The following STPG2 variants were observed in gnomAD, a reference collection of about 807,000 sequenced individuals.
The protein encoded by STPG2 is sperm-tail PG-rich repeat-containing protein 2.
In STPG2, 56 loss-of-function variants were observed where a neutral mutation model predicts 54.2. The ratio of observed to expected loss-of-function variants is 1.03; its 90% CI spans 0.83 to 1.29. The LOEUF (loss-of-function observed/expected upper bound fraction) is 1.29. Ranked by LOEUF, STPG2 falls within the 50% of genes most tolerant of loss-of-function variation. The pLI, the probability that STPG2 is intolerant of heterozygous loss-of-function variation, is 0.00. For synonymous variants in STPG2, 200 were observed against 181.8 expected (o/e 1.10, Z -0.81); for missense variants, 596 against 544.9 (o/e 1.09, Z -0.93).
At chr4:97,630,365 C>G (rs986128877) in intron 10 of STPG2, among the ~76,000 whole-genome samples, 1 of 151,688 alleles carries the variant, frequency 6.6e-6, no homozygotes, top group African/African-American at 2.4e-5. Context: ...CTTCCAACTT[C>G]CATTATATTA....
intron 8 of STPG2, among the ~76,000 whole-genome samples, chr4:97,923,364 G>A (rs1732195763): frequency 7.2e-6 from 1 of 139,224 alleles, no homozygotes; most frequent in Non-Finnish European, 1.5e-5. Flanking sequence ...CCCTGCTCCA[G>A]GGCGCCCCGT....
At chr4:97,669,986 G>T (rs1722648081) in intron 10 of STPG2, among the ~76,000 whole-genome samples, 1 of 151,838 alleles carries the variant, frequency 6.6e-6, no homozygotes, top group Non-Finnish European at 1.5e-5. Context: ...ATAGATAATT[G>T]CTCTGAAAAG....
At chr4:97,459,179 A>T (rs1462714227) in intron 4 of STPG2, among the ~76,000 whole-genome samples, 1 of 152,086 alleles carries the variant, frequency 6.6e-6, no homozygotes, top group Non-Finnish European at 1.5e-5. Context: ...TCACTGTGTG[A>T]GAGAGAGACG....
At chr4:97,957,747 A>C (rs958693953) in intron 7 of STPG2, among the ~76,000 whole-genome samples, 8 of 152,178 alleles carry the variant, frequency 5.3e-5, no homozygotes, top group African/African-American at 1.9e-4. Flanking sequence ...AAGCTAGAAG[A>C]GATTGGGGCC....
At chr4:97,822,280 A>G (rs997073178) in intron 9 of STPG2, among the ~76,000 whole-genome samples, 1 of 152,220 alleles carries the variant, frequency 6.6e-6, no homozygotes, top group African/African-American at 2.4e-5. Flanking sequence ...CCAGTTCTTA[A>G]TAAGTTTCTC....
At chr4:97,587,517 T>C (rs1733030274) in intron 10 of STPG2, among the ~76,000 whole-genome samples, 1 of 151,944 alleles carries the variant, frequency 6.6e-6, no homozygotes, top group Admixed American at 6.6e-5. Flanking sequence ...AGTTTGATAA[T>C]ATAGGTAACA....
chr4:97,473,915 C>T (rs1045251912), intron 4 of STPG2, among the ~76,000 whole-genome samples: 5 of 152,062 alleles, frequency 3.3e-5, no homozygotes, highest in African/African-American at 1.2e-4. Flanking sequence ...GCTGAGTTTC[C>T]CCTGATAATT....
At chr4:97,746,656 G>T (rs954357500) in intron 9 of STPG2, among the ~76,000 whole-genome samples, 1 of 151,164 alleles carries the variant, frequency 6.6e-6, no homozygotes, top group Non-Finnish European at 1.5e-5. Flanking sequence ...TTAATGACTA[G>T]CAGTGGAATA....
rs545192202 is a variant in STPG2 at position 97,676,956 on chromosome 4, G to A, written c.1320+35743C>T. On this transcript the variant is annotated intron_variant, in intron 10 of 10. Transcript: ENST00000295268. ...GTACTTTTATCAGAGAGTAAGAAGA[G>A]GCAGACAGTTACTCATATGAACAAC... 3.3e-5 allele frequency among the ~76,000 whole-genome samples: 5 copies of A among 152,164 alleles called. No homozygotes were observed. The South Asian group carries it at 1.0e-3, about 32-fold the overall frequency.
chr4:97,891,926 A>G (rs1165684235), intron 8 of STPG2, among the ~76,000 whole-genome samples: 2 of 152,128 alleles, frequency 1.3e-5, no homozygotes, highest in Admixed American at 6.6e-5. Flanking sequence ...TCAGTAAATC[A>G]GCCAATCCCC....
chr4:97,581,124 C>A (rs1380011018), intron 10 of STPG2, among the ~76,000 whole-genome samples: 1 of 151,992 alleles, frequency 6.6e-6, no homozygotes, highest in Non-Finnish European at 1.5e-5. Flanking sequence ...ATTTCCATTT[C>A]AATGAATTAA....
chr4:97,912,858 G>C (rs1198465187), intron 8 of STPG2, among the ~76,000 whole-genome samples: 1 of 152,080 alleles, frequency 6.6e-6, no homozygotes, highest in Non-Finnish European at 1.5e-5. Flanking sequence ...GAGAAACGCT[G>C]GCCTAAATAA....
chr4:97,903,426 C>G (rs1303696623), intron 8 of STPG2, among the ~76,000 whole-genome samples: 1 of 150,664 alleles, frequency 6.6e-6, no homozygotes, highest in Non-Finnish European at 1.5e-5. Context: ...AATCAAGTAT[C>G]TAAGCATACA....
intron 9 of STPG2, among the ~76,000 whole-genome samples, chr4:97,742,543 G>GTATATATATA (rs1560510865): frequency 7.0e-6 from 1 of 142,334 alleles, no homozygotes; most frequent in African/African-American, 2.6e-5. Context: ...GTGTGTGTGT[G>GTATATATATA]TGTGTGTGTG....
At chr4:97,866,308 C>G (rs1207154571) in intron 8 of STPG2, among the ~76,000 whole-genome samples, 2 of 151,910 alleles carry the variant, frequency 1.3e-5, no homozygotes, top group Non-Finnish European at 2.9e-5. Flanking sequence ...ACCTCACTTA[C>G]TAGGATTTGA....
At chr4:97,751,914 A>G (rs1474359597) in intron 9 of STPG2, among the ~76,000 whole-genome samples, 4 of 151,644 alleles carry the variant, frequency 2.6e-5, no homozygotes, top group Non-Finnish European at 4.4e-5. Context: ...CATACACATA[A>G]CCATCTTCCC....
At chr4:98,133,685 C>T (rs1263847780) in intron 2 of STPG2, among the ~76,000 whole-genome samples, 1 of 151,974 alleles carries the variant, frequency 6.6e-6, no homozygotes, top group African/African-American at 2.4e-5. Context: ...TTACCATAGG[C>T]TCTATGATCA....
At chr4:98,102,721 C>T (rs891197364) in intron 5 of STPG2, among the ~76,000 whole-genome samples, 2 of 151,570 alleles carry the variant, frequency 1.3e-5, no homozygotes, top group African/African-American at 4.8e-5. Flanking sequence ...TCTTTTCAAT[C>T]GACCATCTGA....
At chr4:98,135,883 A>T (rs1279257200) in intron 1 of STPG2, among the ~76,000 whole-genome samples, 1 of 151,806 alleles carries the variant, frequency 6.6e-6, no homozygotes, top group Non-Finnish European at 1.5e-5. Flanking sequence ...ACCAGATTTC[A>T]TTCCAAATAC....
Sources: gnomAD v4.1 joint callset for allele counts (sites outside exome capture counted in the v4.1 genomes callset) on GRCh38, gnomAD v4.1.1 for gene constraint, MANE v1.5 for transcripts, NCBI Gene and HGNC (gene_info 2026-07-23, HGNC 2026-07-21) for gene names.